DMD: variants seen among roughly 807,000 people sequenced by gnomAD.
DMD encodes the protein mutant dystrophin.
A neutral mutation model predicts 330.1 loss-of-function variants in DMD; 63 were observed. That is an observed-to-expected ratio of 0.19 (90% CI 0.16 to 0.24). The LOEUF is 0.24. Among genes scored for constraint, DMD ranks in the 10% least tolerant of loss-of-function variants. DMD has a pLI of 1.00. For missense variants in DMD, 3,344 were observed against 2,684.1 expected (o/e 1.25, Z -5.43); for synonymous variants, 1,223 against 959.8 (o/e 1.27, Z -5.07).
chrX:32,554,473 G>T (rs2049936790), intron 16 of DMD, among the ~76,000 whole-genome samples: 1 of 110,590 alleles, frequency 9.0e-6, no homozygotes, highest in South Asian at 3.8e-4. Flanking sequence ...CAACCATCAG[G>T]GAATACTATA....
chrX:32,566,003 C>T lies in DMD; in HGVS notation c.1813-122G>A, dbSNP rs1345400543. 19 of 605,682 alleles carry T rather than the reference C, an allele frequency of 3.1e-5. 1 individual carries two copies. The highest frequency in any genetic ancestry group is 1.6e-4 in the South Asian group (6 of 36,379). 49.9% of individuals were successfully genotyped at this position (605,682 alleles called of 1,213,427 possible). On this transcript the variant is annotated intron_variant, in intron 15 of 78. Coordinates refer to ENST00000357033, the MANE Select transcript of DMD (RefSeq NM_004006.3). The stretch of plus-strand genomic sequence containing the variant: ...GATAAGAAAATATTTCAATCGTGCC[C>T]GCAAAGGATCAAAAGTTCAGAAAAA...
At chrX:33,152,804 AT>A (rs1359732427) in intron 1 of DMD, among the ~76,000 whole-genome samples, 1 of 111,703 alleles carries the variant, frequency 9.0e-6, no homozygotes, top group African/African-American at 3.3e-5. Context: ...TGCTATTATA[AT>A]TCACCAGAAA....
intron 13 of DMD, among the ~76,000 whole-genome samples, chrX:32,585,710 A>AAAAAAAAAAAAAAAAAAAAAAAAAG: frequency 1.0e-5 from 1 of 97,944 alleles, no homozygotes; most frequent in Non-Finnish European, 2.1e-5. Context: ...AAAAAAAAAA[A>AAAAAAAAAAAAAAAAAAAAAAAAAG]AAAAAAAAAA....
At chrX:31,859,754 A>G (rs1401860457) in intron 48 of DMD, among the ~76,000 whole-genome samples, 2 of 112,610 alleles carry the variant, frequency 1.8e-5, no homozygotes, top group Non-Finnish European at 3.7e-5. Flanking sequence ...AAAAGTTATG[A>G]TTAGAAGAAT....
intron 67 of DMD, among the ~76,000 whole-genome samples, chrX:31,190,007 A>C (rs978115803): frequency 2.7e-5 from 3 of 112,384 alleles, no homozygotes; most frequent in African/African-American, 9.7e-5. Context: ...ATCTGGCTTA[A>C]AATATAGGTA....
At chrX:32,815,520 T>TATATATATATATATATAATATATATAC in intron 6 of DMD, among the ~76,000 whole-genome samples, 7 of 78,957 alleles carry the variant, frequency 8.9e-5, no homozygotes, top group African/African-American at 3.7e-4. Context: ...TATATATATA[T>TATATATATATATATATAATATATATAC]ACACACACAC....
At chrX:31,893,892 A>G (rs1427242015) in intron 47 of DMD, among the ~76,000 whole-genome samples, 3 of 111,346 alleles carry the variant, frequency 2.7e-5, no homozygotes, top group Non-Finnish European at 5.7e-5. Context: ...GATCAGATTA[A>G]TTCTGAGGTC....
chrX:31,719,251 T>C (rs776546708), intron 52 of DMD, among the ~76,000 whole-genome samples: 5 of 112,241 alleles, frequency 4.5e-5, no homozygotes, highest in East Asian at 2.8e-4. Context: ...ATCAGGTAGA[T>C]AGTATAGCTT....
chrX:32,663,483 G>A (rs1335916537), intron 9 of DMD, among the ~76,000 whole-genome samples: 2 of 111,744 alleles, frequency 1.8e-5, no homozygotes, highest in Non-Finnish European at 3.8e-5. Context: ...TAACAAAAGA[G>A]CCTTTATACA....
intron 44 of DMD, among the ~76,000 whole-genome samples, chrX:32,210,166 T>G (rs2097088222): frequency 8.9e-6 from 1 of 112,195 alleles, no homozygotes; most frequent in Non-Finnish European, 1.9e-5. Flanking sequence ...CATTTTAAAA[T>G]GTATTCCCAC....
At chrX:32,725,976 A>T (rs1207597103) in intron 7 of DMD, among the ~76,000 whole-genome samples, 2 of 110,904 alleles carry the variant, frequency 1.8e-5, no homozygotes, top group Non-Finnish European at 3.8e-5. Flanking sequence ...CATACAAACT[A>T]TGTACCCACA....
chrX:32,505,558 T>G (rs1409657408), intron 18 of DMD, among the ~76,000 whole-genome samples: 1 of 112,322 alleles, frequency 8.9e-6, no homozygotes, highest in Non-Finnish European at 1.9e-5. Context: ...CATTCATTTC[T>G]GGTGGCAATG....
At chrX:32,384,621 A>G (rs1292831548) in intron 33 of DMD, among the ~76,000 whole-genome samples, 1 of 110,853 alleles carries the variant, frequency 9.0e-6, no homozygotes, top group Non-Finnish European at 1.9e-5. Flanking sequence ...TAATTATAAA[A>G]TTTACTTTCT....
intron 2 of DMD, among the ~76,000 whole-genome samples, chrX:33,011,835 AAAT>A (rs1357280533): frequency 8.9e-6 from 1 of 112,251 alleles, no homozygotes; most frequent in African/African-American, 3.2e-5. Context: ...AAAATCAGAT[AAAT>A]AATGGATAGG....
chrX:33,061,804 T>TA (rs1191311908), intron 1 of DMD, among the ~76,000 whole-genome samples: 1 of 111,591 alleles, frequency 9.0e-6, no homozygotes, highest in African/African-American at 3.3e-5. Context: ...CATTTGCCCC[T>TA]AGTTAAGGGT....
intron 67 of DMD, among the ~76,000 whole-genome samples, chrX:31,190,632 GT>G (rs2042250038): frequency 2.0e-4 from 14 of 71,731 alleles, no homozygotes; most frequent in African/African-American, 2.7e-4. Context: ...CGGGGAGGGG[GT>G]GCTACTAGCA....
In DMD at chrX:33,062,239, GTC is replaced by G. The variant is rs755956879; in HGVS notation, c.32-42041_32-42040del. On this transcript the variant is annotated intron_variant, in intron 1 of 78. Transcript: ENST00000357033. ...AAATGCAGGAACTCTGAATTTGGGA[GTC>G]TGTTTTTCAAGATGAATAATCATCT... Among the ~76,000 whole-genome samples, 3 of 111,840 alleles carry G rather than the reference GTC, an allele frequency of 2.7e-5. No homozygotes were observed. The South Asian group carries it at 1.1e-3, about 42-fold the overall frequency.
intron 44 of DMD, among the ~76,000 whole-genome samples, chrX:32,041,544 C>T (rs1240701746): frequency 8.9e-6 from 1 of 112,003 alleles, no homozygotes; most frequent in African/African-American, 3.2e-5. Context: ...TTTATTCTAG[C>T]TGTATACTCA....
chrX:32,362,817 C>A lies in DMD; in HGVS notation c.5296G>T (p.Ala1766Ser). Reference protein sequence around the residue: ...QISELNHRFAAISHRIKTGKA... With the variant: ...QISELNHRFASISHRIKTGKA... ...CCAGTCTTAATTCTGTGTGAAATGG[C>A]TGCAAATCGATGGTTGAGCTCTGAG... The change falls in exon 37 of 79, where the codon GCC (alanine) becomes TCC (serine). Residue 1766 changes from alanine to serine, a missense_variant. Physicochemically the swap from Ala to Ser is moderately conservative, Grantham distance 99 (BLOSUM62 1). Coordinates refer to ENST00000357033, the MANE Select transcript of DMD (RefSeq NM_004006.3). 8.3e-7 allele frequency: 1 copy of A among 1,211,193 alleles called. No homozygotes were observed. Among genetic ancestry groups the A allele is most frequent in the Non-Finnish European group, 1.1e-6 (1 of 895,429 alleles).
Sources: gnomAD v4.1 joint callset for allele counts (sites outside exome capture counted in the v4.1 genomes callset) on GRCh38, gnomAD v4.1.1 for gene constraint, MANE v1.5 for transcripts, NCBI Gene and HGNC (gene_info 2026-07-23, HGNC 2026-07-21) for gene names.